Variants in NEDD9 observed in about 807,000 individuals in gnomAD.
The protein encoded by NEDD9 is enhancer of filamentation 1.
In NEDD9, 26 loss-of-function variants were observed where a neutral mutation model predicts 76.6. That is an observed-to-expected ratio of 0.34 (90% confidence interval 0.25 to 0.47). The LOEUF (loss-of-function observed/expected upper bound fraction) is 0.47, where lower values mean the gene tolerates loss of function less well. Among genes scored for constraint, NEDD9 ranks in the 20% least tolerant of loss-of-function variants. The pLI, the probability that NEDD9 is intolerant of heterozygous loss-of-function variation, is 1.00. For synonymous variants in NEDD9, 392 were observed against 414.2 expected (o/e 0.95, Z 0.65); for missense variants, 937 against 1,058.5 (o/e 0.89, Z 1.59).
intron 3 of NEDD9, among the ~76,000 whole-genome samples, chr6:11,291,827 C>A (rs971545899): frequency 1.9e-4 from 29 of 152,178 alleles, no homozygotes; most frequent in Non-Finnish European, 8.8e-5. Context: ...ATGGAAGGCT[C>A]TCTCACTAAG....
chr6:11,244,529 C>T lies in NEDD9; in HGVS notation c.13-30802G>A, dbSNP rs925888870. Among the ~76,000 whole-genome samples the T allele has an allele frequency of 2.6e-5, 4 of 152,164 alleles. No individual in the cohort carries two copies. The East Asian group carries it at 5.8e-4, about 22-fold the overall frequency. ...ATATCAATATTTAAGACATAAATCG[C>T]CTCCTTTTCATTCATCCACAAAGGG... On this transcript the variant is annotated intron_variant, in intron 3 of 3. Transcript: ENST00000397378.
intron 2 of NEDD9, among the ~76,000 whole-genome samples, chr6:11,323,632 C>A (rs9791189): frequency 0.22 from 32,815 of 152,198 alleles, 4,342 homozygotes; most frequent in East Asian, 0.64. Flanking sequence ...AGAAAACTGT[C>A]TGGCCCCAAA....
In NEDD9 at chr6:11,189,970, G is replaced by A. The variant is rs146864079; in HGVS notation, c.1899C>T (p.His633=). The part of the protein sequence containing the change: ...RSWMDDYDYV[H]LQGKEEFERQ... The stretch of plus-strand genomic sequence containing the variant: ...ATGAGTTCCGCTGTTTTACCTGTAG[G>A]TGGACGTAATCGTAGTCATCCATCC... Residue 633 remains histidine, a synonymous_variant, in exon 5 of 7, where the codon CAC becomes CAT. Coordinates refer to ENST00000379446, the MANE Select transcript of NEDD9 (RefSeq NM_006403.4). 1.3e-3 allele frequency: 2,027 copies of A among 1,515,780 alleles called. 6 individuals carry two copies. Among genetic ancestry groups the A allele is most frequent in the Middle Eastern group, 4.8e-3 (27 of 5,584 alleles). 93.9% of individuals were successfully genotyped at this position (1,515,780 alleles called of 1,614,324 possible).
At chr6:11,246,113 C>G (rs560444526) in intron 3 of NEDD9, among the ~76,000 whole-genome samples, 9 of 152,184 alleles carry the variant, frequency 5.9e-5, no homozygotes, top group Non-Finnish European at 1.2e-4. Context: ...CTGAGCTATA[C>G]TGCTAACACA....
At chr6:11,303,192 A>G (rs1761097909) in intron 3 of NEDD9, among the ~76,000 whole-genome samples, 1 of 152,238 alleles carries the variant, frequency 6.6e-6, no homozygotes, top group Non-Finnish European at 1.5e-5. Flanking sequence ...ATCAATGTGC[A>G]AAAATCACAA....
chr6:11,226,224 AG>A (rs1759304188), intron 1 of NEDD9, among the ~76,000 whole-genome samples: 1 of 152,086 alleles, frequency 6.6e-6, no homozygotes, highest in African/African-American at 2.4e-5. Context: ...AATAAGATGG[AG>A]GGGGGTGTTG....
chr6:11,349,779 G>A (rs1028695614), intron 1 of NEDD9, among the ~76,000 whole-genome samples: 1 of 152,168 alleles, frequency 6.6e-6, no homozygotes, highest in Non-Finnish European at 1.5e-5. Flanking sequence ...GAGGGTGGAG[G>A]GTGAGAGGAG....
chr6:11,249,267 T>TAAC (rs1554127967), intron 3 of NEDD9: 1 of 432,970 alleles, frequency 2.3e-6, no homozygotes, highest in Non-Finnish European at 4.6e-6. Flanking sequence ...TGACTGTGAG[T>TAAC]AACAGAAAAA....
chr6:11,323,826 C>T (rs1208380385), intron 2 of NEDD9, among the ~76,000 whole-genome samples: 2 of 152,230 alleles, frequency 1.3e-5, no homozygotes, highest in Admixed American at 6.5e-5. Context: ...TCACCATTAA[C>T]CACCTTGCAC....
intron 1 of NEDD9, among the ~76,000 whole-genome samples, chr6:11,342,035 T>C (rs1307287072): frequency 6.6e-6 from 1 of 152,134 alleles, no homozygotes; most frequent in Non-Finnish European, 1.5e-5. Flanking sequence ...TCTAGAATTG[T>C]GCAATGCCTG....
intron 1 of NEDD9, among the ~76,000 whole-genome samples, chr6:11,366,821 C>T (rs900996928): frequency 6.6e-6 from 1 of 152,150 alleles, no homozygotes; most frequent in Non-Finnish European, 1.5e-5. Context: ...TCTTTCCCAC[C>T]GTGATCTCCT....
At chr6:11,282,366 A>G (rs1355765463) in intron 3 of NEDD9, among the ~76,000 whole-genome samples, 1 of 152,120 alleles carries the variant, frequency 6.6e-6, no homozygotes, top group Non-Finnish European at 1.5e-5. Context: ...TCTCTTTTCT[A>G]GCAAGTCACC....
chr6:11,242,439 AG>A (rs1030793587), intron 3 of NEDD9, among the ~76,000 whole-genome samples: 10 of 152,214 alleles, frequency 6.6e-5, no homozygotes, highest in Admixed American at 2.0e-4. Flanking sequence ...TTCTGGTCTT[AG>A]GAGGGGTGGA....
chr6:11,342,344 T>G (rs1175918247), intron 1 of NEDD9, among the ~76,000 whole-genome samples: 1 of 151,886 alleles, frequency 6.6e-6, no homozygotes, highest in East Asian at 1.9e-4. Context: ...GAAGCCCAAG[T>G]AAGATGAAGA....
intron 2 of NEDD9, among the ~76,000 whole-genome samples, chr6:11,196,489 G>A (rs9380136): frequency 0.02 from 3,005 of 152,220 alleles, 45 homozygotes; most frequent in South Asian, 0.045. Flanking sequence ...GGCAGAAAGC[G>A]CTAATGCTTC....
intron 2 of NEDD9, among the ~76,000 whole-genome samples, chr6:11,210,891 C>G (rs889048248): frequency 2.6e-5 from 4 of 152,020 alleles, no homozygotes; most frequent in Non-Finnish European, 5.9e-5. Flanking sequence ...AGAGAGGCAG[C>G]CTAGAGACCC....
chr6:11,298,012 A>G (rs1430605812), intron 3 of NEDD9, among the ~76,000 whole-genome samples: 2 of 151,662 alleles, frequency 1.3e-5, no homozygotes, highest in East Asian at 3.9e-4. Flanking sequence ...GGTTCAAGCA[A>G]TTCTCATGCC....
chr6:11,349,157 G>A (rs1238245112), intron 1 of NEDD9, among the ~76,000 whole-genome samples: 1 of 152,090 alleles, frequency 6.6e-6, no homozygotes, highest in African/African-American at 2.4e-5. Context: ...TGACCAACAA[G>A]CATATGAAAA....
At chr6:11,321,903 A>C (rs2113473828) in intron 2 of NEDD9, among the ~76,000 whole-genome samples, 1 of 152,330 alleles carries the variant, frequency 6.6e-6, no homozygotes, top group South Asian at 2.1e-4. Context: ...AATCAAATGA[A>C]GCTGATGCAA....
Sources: allele counts gnomAD v4.1 joint callset (sites outside exome capture counted in the v4.1 genomes callset), GRCh38; gene constraint gnomAD v4.1.1; transcripts MANE v1.5; gene names NCBI Gene and HGNC (gene_info 2026-07-23, HGNC 2026-07-21).